CPVL: variants seen among roughly 807,000 people sequenced by gnomAD.
CPVL encodes the protein probable serine carboxypeptidase CPVL.
In CPVL, 51 loss-of-function variants were observed where a neutral mutation model predicts 63.7. The ratio of observed to expected loss-of-function variants is 0.80; its 90% confidence interval spans 0.64 to 1.01. The LOEUF (loss-of-function observed/expected upper bound fraction) is 1.01, where lower values mean the gene tolerates loss of function less well. CPVL is among the 50% of genes least tolerant of loss of function. The probability of loss-of-function intolerance (pLI) is 0.00; values close to 1 mark genes in which losing one functional copy is unlikely to be tolerated. For missense variants in CPVL, 530 were observed against 573.1 expected (o/e 0.92, Z 0.77); for synonymous variants, 195 against 206.0 (o/e 0.95, Z 0.46).
chr7:29,011,604 G>A (rs1785840838), intron 12 of CPVL: 1 of 152,090 alleles, frequency 6.6e-6, no homozygotes, highest in South Asian at 2.1e-4. Context: ...TTAATACAGA[G>A]TGCATATGCA....
intron 2 of CPVL, 54 bp downstream of exon 2, chr7:29,120,836 AAAG>A: frequency 3.4e-6 from 5 of 1,460,842 alleles, no homozygotes; most frequent in Non-Finnish European, 4.7e-6. Flanking sequence ...AAAAAAAAAA[AAAG>A]AGAAACTGTT....
chr7:29,087,304 G>A (rs1785306281), intron 6 of CPVL, among the ~76,000 whole-genome samples: 1 of 151,270 alleles, frequency 6.6e-6, no homozygotes. Flanking sequence ...CGCGCCTGTA[G>A]TCCCAGCTAC....
At chr7:29,139,449 A>G (rs562734205) in intron 1 of CPVL, among the ~76,000 whole-genome samples, 1 of 151,374 alleles carries the variant, frequency 6.6e-6, no homozygotes, top group East Asian at 2.0e-4. Flanking sequence ...AAGAACTTCC[A>G]CATCTGCTCT....
chr7:29,171,522 C>T (rs1228237792), intron 5 of CPVL, among the ~76,000 whole-genome samples: 1 of 152,100 alleles, frequency 6.6e-6, no homozygotes. Flanking sequence ...AATTCAGCCC[C>T]GAGCTTTCTT....
At chr7:29,092,764 G>T in intron 5 of CPVL, 62 bp from the exon 6 acceptor site, 1 of 1,142,276 alleles carries the variant, frequency 8.8e-7, no homozygotes, top group Non-Finnish European at 1.3e-6. Flanking sequence ...GGGACCTGCA[G>T]AGAGGTCCCA....
chr7:29,026,551 C>G (rs993328871), intron 12 of CPVL, among the ~76,000 whole-genome samples: 2 of 151,626 alleles, frequency 1.3e-5, no homozygotes, highest in African/African-American at 4.8e-5. Context: ...AATAAAAAAG[C>G]CTGTTTTTAA....
At chr7:29,125,866 T>A (rs76265241) in intron 1 of CPVL, among the ~76,000 whole-genome samples, 1,844 of 152,264 alleles carry the variant, frequency 0.012, 39 homozygotes, top group African/African-American at 0.041. Flanking sequence ...TCTAGAGTAG[T>A]CTGGTTTTTA....
intron 1 of CPVL, among the ~76,000 whole-genome samples, chr7:29,132,673 C>T (rs989170578): frequency 6.6e-6 from 1 of 152,164 alleles, no homozygotes; most frequent in African/African-American, 2.4e-5. Flanking sequence ...GTTAATCAAG[C>T]TGATGTTTCA....
intron 11 of CPVL, among the ~76,000 whole-genome samples, chr7:29,057,368 G>C (rs1375143213): frequency 2.0e-5 from 3 of 152,040 alleles, no homozygotes; most frequent in Admixed American, 6.5e-5. Context: ...TGAGCTATAA[G>C]GGTTTTTAAA....
Position 28,995,443 on chromosome 7 carries a change from T to C in CPVL, c.*329A>G, listed in dbSNP as rs904498178. 13 of 215,754 alleles carry C rather than the reference T, an allele frequency of 6.0e-5. No homozygotes were observed. The East Asian group carries it at 1.6e-3, about 27-fold the overall frequency. The allele number at this position is 215,754 out of a possible 1,614,324, so 13.4% of individuals were successfully genotyped here. A position where few individuals can be genotyped will look rare whatever the true frequency, so the allele number is the denominator to read the frequency against. On this transcript the variant is annotated 3_prime_UTR_variant, in exon 13 of 13. Transcript: ENST00000265394. ...ATGTTACAGCTTTGTTTGTTACAAC[T>C]GCACTTTTCACTTACTCTTAGAAGA...
At chr7:29,048,637 G>A (rs574681975) in intron 11 of CPVL, among the ~76,000 whole-genome samples, 2 of 151,910 alleles carry the variant, frequency 1.3e-5, no homozygotes, top group Non-Finnish European at 2.9e-5. Context: ...AAGAGAGAAA[G>A]GCAACAAAGA....
chr7:29,018,722 C>T (rs139468825), intron 12 of CPVL, among the ~76,000 whole-genome samples: 1 of 152,210 alleles, frequency 6.6e-6, no homozygotes, highest in African/African-American at 2.4e-5. Flanking sequence ...TTCCTTAGGG[C>T]TGGCATGTTA....
Position 29,124,600 on chromosome 7 carries a change from A to G in CPVL, c.-10-3529T>C, listed in dbSNP as rs189107625. Among the ~76,000 whole-genome samples the G allele has an allele frequency of 9.5e-4, 145 of 152,248 alleles. 2 individuals carry two copies. The highest frequency in any genetic ancestry group is 2.1e-4 in the Non-Finnish European group (14 of 67,970). On this transcript the variant is annotated intron_variant, in intron 1 of 12. Transcript: ENST00000265394. ...GTTCTTTAGAATAATAAAAATTGTC[A>G]ATAAATAAAATTTCCAACAGTAAGA...
At chr7:29,190,890 T>C (rs1324978441) in intron 1 of CPVL, among the ~76,000 whole-genome samples, 1 of 151,194 alleles carries the variant, frequency 6.6e-6, no homozygotes, top group Non-Finnish European at 1.5e-5. Context: ...CAAAGTATGG[T>C]AGACAATACA....
intron 7 of CPVL, among the ~76,000 whole-genome samples, chr7:29,085,135 T>A (rs1205986332): frequency 6.6e-6 from 1 of 152,244 alleles, no homozygotes; most frequent in East Asian, 1.9e-4. Context: ...CACTTAGTGC[T>A]TAGCACTTGC....
At chr7:29,191,232 C>T (rs538639508) in intron 1 of CPVL, among the ~76,000 whole-genome samples, 20 of 152,222 alleles carry the variant, frequency 1.3e-4, no homozygotes, top group African/African-American at 3.9e-4. Flanking sequence ...AGGCCAAGCC[C>T]GCTATTAATG....
At chr7:29,033,584 C>T (rs186609243) in intron 11 of CPVL, among the ~76,000 whole-genome samples, 1 of 152,312 alleles carries the variant, frequency 6.6e-6, no homozygotes. Context: ...GCAAACTTAC[C>T]CCTAAGGCTT....
chr7:29,072,939 G>C (rs185259926), intron 7 of CPVL, among the ~76,000 whole-genome samples: 1 of 152,272 alleles, frequency 6.6e-6, no homozygotes, highest in African/African-American at 2.4e-5. Flanking sequence ...AACTTTTCCA[G>C]CACAAGGTCC....
chr7:29,128,389 T>C (rs935642653), intron 1 of CPVL, among the ~76,000 whole-genome samples: 14 of 152,154 alleles, frequency 9.2e-5, no homozygotes, highest in Non-Finnish European at 4.4e-5. Flanking sequence ...TCTCCTTTTG[T>C]TTCCTGAGTG....
Sources: gnomAD v4.1 joint callset for allele counts (sites outside exome capture counted in the v4.1 genomes callset) on GRCh38, gnomAD v4.1.1 for gene constraint, MANE v1.5 for transcripts, NCBI Gene and HGNC (gene_info 2026-07-23, HGNC 2026-07-21) for gene names.